The following MSRB2 variants were observed in gnomAD, a reference collection of about 807,000 sequenced individuals.
The protein encoded by MSRB2 is methionine-R-sulfoxide reductase B2, mitochondrial.
In MSRB2, 17 loss-of-function variants were observed where a neutral mutation model predicts 19.0. The ratio of observed to expected loss-of-function variants is 0.89; its 90% CI spans 0.61 to 1.34. MSRB2 has a LOEUF of 1.34. MSRB2 is among the 40% of genes most tolerant of loss of function. The pLI, the probability that MSRB2 is intolerant of heterozygous loss-of-function variation, is 0.00. For missense variants in MSRB2, 208 were observed against 237.6 expected, an observed-to-expected ratio of 0.88 and a Z score of 0.82; for synonymous variants, 107 against 99.7, an observed-to-expected ratio of 1.07 and a Z score of -0.44.
At position 23,095,640 on chromosome 10, in the gene MSRB2, T is replaced by A; in HGVS notation, c.32T>A (p.Leu11Gln). MARLLWLLRGLTLGTAPRRAV... is the reference protein window; with the variant it reads MARLLWLLRGQTLGTAPRRAV... ...CGGCTCCTCTGGTTGCTCCGGGGCC[T>A]GACCCTCGGAACTGCGCCTCGGCGG... The change falls in exon 1 of 5, where the codon CTG becomes CAG. Residue 11 changes from leucine to glutamine, a missense_variant. Transcript: ENST00000376510. 1 of 1,452,406 alleles carries A rather than the reference T, an allele frequency of 6.9e-7. No individual in the cohort carries two copies. Among genetic ancestry groups the A allele is most frequent in the Non-Finnish European group, 9.0e-7 (1 of 1,108,248 alleles). 90.0% of individuals were successfully genotyped at this position (1,452,406 alleles called of 1,614,324 possible).
intron 3 of MSRB2, among the ~76,000 whole-genome samples, chr10:23,117,965 T>C (rs1268329162): frequency 5.9e-5 from 9 of 152,220 alleles, no homozygotes; most frequent in Admixed American, 5.9e-4. Flanking sequence ...TAAGGATGCT[T>C]AGCCATCAAG....
chr10:23,114,142 G>A (rs538896671), intron 3 of MSRB2, among the ~76,000 whole-genome samples: 7 of 152,256 alleles, frequency 4.6e-5, no homozygotes, highest in Middle Eastern at 6.8e-3. Flanking sequence ...TGCAGGTCAG[G>A]AGTTCGAGAC....
intron 3 of MSRB2, among the ~76,000 whole-genome samples, chr10:23,118,831 G>A (rs1028528241): frequency 6.6e-6 from 1 of 152,172 alleles, no homozygotes; most frequent in Non-Finnish European, 1.5e-5. Context: ...TGAATCCCTG[G>A]TCAGGCGTCT....
intron 3 of MSRB2, among the ~76,000 whole-genome samples, chr10:23,116,406 T>C (rs920451409): frequency 3.3e-5 from 5 of 152,150 alleles, no homozygotes; most frequent in Non-Finnish European, 1.5e-5. Context: ...ATTTAACAGA[T>C]CACAGAAGGG....
At chr10:23,096,689 C>T (rs1276907803) in intron 1 of MSRB2, among the ~76,000 whole-genome samples, 1 of 152,154 alleles carries the variant, frequency 6.6e-6, no homozygotes, top group African/African-American at 2.4e-5. Context: ...TAAATAAAAG[C>T]GTTGGCGTTG....
chr10:23,117,748 G>A (rs1275865699), intron 3 of MSRB2, among the ~76,000 whole-genome samples: 1 of 152,122 alleles, frequency 6.6e-6, no homozygotes, highest in Non-Finnish European at 1.5e-5. Context: ...GCACCACCAT[G>A]CCCAGCTAGT....
intron 2 of MSRB2, among the ~76,000 whole-genome samples, chr10:23,110,027 T>G (rs1236287130): frequency 2.6e-5 from 4 of 152,236 alleles, no homozygotes; most frequent in African/African-American, 7.2e-5. Context: ...AAAGTCATAA[T>G]TTGAATATTG....
chr10:23,108,474 TC>T (rs1382107443), intron 2 of MSRB2, among the ~76,000 whole-genome samples: 1 of 125,168 alleles, frequency 8.0e-6, no homozygotes, highest in Non-Finnish European at 1.7e-5. Context: ...GGAAACTTCC[TC>T]TTTTTTTTTT....
At chr10:23,106,392 A>C (rs1026882103) in intron 2 of MSRB2, among the ~76,000 whole-genome samples, 1 of 152,212 alleles carries the variant, frequency 6.6e-6, no homozygotes, top group African/African-American at 2.4e-5. Flanking sequence ...CCAACGAATA[A>C]ATTTACAGGA....
intron 1 of MSRB2, among the ~76,000 whole-genome samples, chr10:23,101,389 C>T (rs901953290): frequency 1.3e-5 from 2 of 152,174 alleles, no homozygotes; most frequent in Non-Finnish European, 2.9e-5. Flanking sequence ...TATATACCAT[C>T]ATTTCTTTAT....
chr10:23,110,091 A>G (rs979054393), intron 2 of MSRB2, 151 bp from the exon 3 acceptor site: 1 of 594,106 alleles, frequency 1.7e-6, no homozygotes, highest in Non-Finnish European at 3.0e-6. Context: ...CATTGGGTAC[A>G]TTATAATTTT....
At position 23,119,463 on chromosome 10, in the gene MSRB2, CA is replaced by C; in HGVS notation, c.444+13del. Reference sequence around the variant, plus strand: ...TTGTCTGCAAGCAGGTGAGGTTTCTCATTTTGTTTTACTTTCCCTGATGCTG... The same window carrying C: ...TTGTCTGCAAGCAGGTGAGGTTTCTCTTTTGTTTTACTTTCCCTGATGCTG... On this transcript the variant is annotated intron_variant, in intron 4 of 4. Transcript: ENST00000376510. 1 of 1,609,878 alleles carries C rather than the reference CA, an allele frequency of 6.2e-7. No homozygotes were observed. Among genetic ancestry groups the C allele is most frequent in the Non-Finnish European group, 8.5e-7 (1 of 1,177,180 alleles).
At chr10:23,103,938 T>C (rs548084554) in intron 1 of MSRB2, among the ~76,000 whole-genome samples, 20 of 152,330 alleles carry the variant, frequency 1.3e-4, no homozygotes, top group African/African-American at 3.1e-4. Flanking sequence ...CTCTACTTCT[T>C]GTTAATTTCT....
At chr10:23,101,499 A>T (rs1839926281) in intron 1 of MSRB2, among the ~76,000 whole-genome samples, 1 of 152,156 alleles carries the variant, frequency 6.6e-6, no homozygotes, top group Non-Finnish European at 1.5e-5. Context: ...TCATGTAATG[A>T]CTTCTTTGCC....
chr10:23,121,445 G>C lies in MSRB2; in HGVS notation c.*583G>C, dbSNP rs1262977396. ...TCATGACCCAGTTACCTCCCGGCAGGGCCCACCTCCGGCACTAGGAATTAT... is the reference window on the plus strand; with the variant it reads ...TCATGACCCAGTTACCTCCCGGCAGCGCCCACCTCCGGCACTAGGAATTAT... On this transcript the variant is annotated 3_prime_UTR_variant, in exon 5 of 5. Coordinates refer to ENST00000376510, the MANE Select transcript of MSRB2 (RefSeq NM_012228.4). The C allele has an allele frequency of 1.3e-5, 2 of 152,228 alleles. No homozygotes were observed. Among genetic ancestry groups the C allele is most frequent in the Non-Finnish European group, 2.9e-5 (2 of 68,148 alleles). The allele number at this position is 152,228 out of a possible 1,614,324, so 9.4% of individuals were successfully genotyped here.
Position 23,121,142 on chromosome 10 carries a change from A to T in MSRB2, c.*280A>T, listed in dbSNP as rs118014848. The stretch of plus-strand genomic sequence containing the variant: ...TAAACAAAATTAAAAAGAAAAAAAA[A>T]TACCTGAGACTGAGTAACTTATAAA... On this transcript the variant is annotated 3_prime_UTR_variant, in exon 5 of 5. Coordinates refer to ENST00000376510, the MANE Select transcript of MSRB2 (RefSeq NM_012228.4). 8.8e-4 allele frequency: 334 copies of T among 379,538 alleles called. 9 individuals are homozygous for T. The East Asian group carries it at 0.012, about 14-fold the overall frequency. The allele number at this position is 379,538 out of a possible 1,614,324, so 23.5% of individuals were successfully genotyped here.
intron 1 of MSRB2, among the ~76,000 whole-genome samples, chr10:23,098,728 G>A (rs982530006): frequency 5.9e-5 from 9 of 152,158 alleles, no homozygotes; most frequent in Non-Finnish European, 7.3e-5. Context: ...TAATTTACAC[G>A]TGCCTAAATT....
In MSRB2 at chr10:23,118,144, A is replaced by T. The variant is rs1840133599; in HGVS notation, c.297-1160A>T. Among the ~76,000 whole-genome samples the T allele has an allele frequency of 3.9e-5, 6 of 152,264 alleles. No individual in the cohort carries two copies. In the South Asian group the frequency reaches 1.2e-3, roughly 32 times the overall value. Reference sequence around the variant, plus strand: ...TGTTGACATACGTAACTCACAGACAAAAGCTCTCAGCAATCCCTATTAATT... The same window carrying T: ...TGTTGACATACGTAACTCACAGACATAAGCTCTCAGCAATCCCTATTAATT... On this transcript the variant is annotated intron_variant, in intron 3 of 4. Coordinates refer to ENST00000376510, the MANE Select transcript of MSRB2 (RefSeq NM_012228.4).
intron 3 of MSRB2, among the ~76,000 whole-genome samples, chr10:23,113,513 G>A (rs907134654): frequency 2.0e-5 from 3 of 151,982 alleles, no homozygotes; most frequent in African/African-American, 4.8e-5. Context: ...ATTAGCTTTC[G>A]AGTCCCTTGG....
Sources: gnomAD v4.1 joint callset for allele counts (sites outside exome capture counted in the v4.1 genomes callset) on GRCh38, gnomAD v4.1.1 for gene constraint, MANE v1.5 for transcripts, NCBI Gene and HGNC (gene_info 2026-07-23, HGNC 2026-07-21) for gene names.